Variants in NHS observed in about 807,000 individuals in gnomAD.
The protein encoded by NHS is NHS actin remodeling regulator.
NHS carries 5 observed loss-of-function variants against 72.5 expected under a neutral mutation model. The observed-to-expected ratio is 0.07, with a 90% CI of 0.04 to 0.14. The LOEUF (loss-of-function observed/expected upper bound fraction) is 0.14, where lower values mean the gene tolerates loss of function less well. Among genes scored for constraint, NHS ranks in the 10% least tolerant of loss-of-function variants. NHS has a pLI of 1.00. For synonymous variants in NHS, 464 were observed against 547.7 expected (o/e 0.85, Z 2.13); for missense variants, 1,072 against 1,355.7 (o/e 0.79, Z 3.29).
At chrX:17,439,227 G>A (rs1338604707) in intron 1 of NHS, among the ~76,000 whole-genome samples, 1 of 111,051 alleles carries the variant, frequency 9.0e-6, no homozygotes, top group Non-Finnish European at 1.9e-5. Context: ...GAATCCAAAA[G>A]GAAGAAGCAA....
In NHS at chrX:17,684,220, G is replaced by T. The variant is rs1170164250; in HGVS notation, c.566-3522G>T. On this transcript the variant is annotated intron_variant, in intron 1 of 8. Coordinates refer to ENST00000676302, the MANE Select transcript of NHS (RefSeq NM_001291867.2). ...TCCTTTATAAATTACCCAGTCATGG[G>T]TATGTCTTTATTAGCAGCATGAGAA... 5.3e-5 allele frequency among the ~76,000 whole-genome samples: 6 copies of T among 112,162 alleles called. No individual in the cohort carries two copies. The East Asian group carries it at 1.7e-3, about 31-fold the overall frequency.
chrX:17,598,060 T>C (rs975727309), intron 1 of NHS, among the ~76,000 whole-genome samples: 2 of 111,689 alleles, frequency 1.8e-5, no homozygotes, highest in Non-Finnish European at 3.8e-5. Flanking sequence ...AGGTTCTGAC[T>C]GGGAGCTAGA....
chrX:17,500,981 C>A (rs2065034272), intron 1 of NHS, among the ~76,000 whole-genome samples: 1 of 111,649 alleles, frequency 9.0e-6, no homozygotes, highest in Admixed American at 9.5e-5. Context: ...TAAGTGACAT[C>A]TATTATTAGA....
chrX:17,572,779 G>A (rs996521673), intron 1 of NHS, among the ~76,000 whole-genome samples: 4 of 111,299 alleles, frequency 3.6e-5, no homozygotes, highest in African/African-American at 1.3e-4. Context: ...AGCGTCAATG[G>A]TCTTTGCAAT....
At chrX:17,620,675 G>T in intron 1 of NHS, among the ~76,000 whole-genome samples, 1 of 111,840 alleles carries the variant, frequency 8.9e-6, no homozygotes, top group South Asian at 3.7e-4. Context: ...AAGGCCTCTG[G>T]GGAGGGAGTA....
chrX:17,712,627 C>T (rs1320452887), intron 3 of NHS, among the ~76,000 whole-genome samples: 1 of 109,166 alleles, frequency 9.2e-6, no homozygotes, highest in African/African-American at 3.3e-5. Context: ...TATCCCTCTC[C>T]ACAACCATTA....
At chrX:17,712,370 A>G (rs1487070884) in intron 3 of NHS, among the ~76,000 whole-genome samples, 1 of 85,243 alleles carries the variant, frequency 1.2e-5, no homozygotes, top group Non-Finnish European at 2.1e-5. Context: ...ATACACACAC[A>G]CACACACACA....
chrX:17,655,112 G>C (rs139889543), intron 1 of NHS, among the ~76,000 whole-genome samples: 114 of 112,043 alleles, frequency 1.0e-3, no homozygotes, highest in Non-Finnish European at 1.6e-3. Flanking sequence ...ACATTTTTCG[G>C]GTGCTCTAGT....
chrX:17,714,258 G>C (rs1437335952), intron 3 of NHS, among the ~76,000 whole-genome samples: 1 of 110,785 alleles, frequency 9.0e-6, no homozygotes, highest in Non-Finnish European at 1.9e-5. Flanking sequence ...ACCCATGAGG[G>C]AGAAATTATT....
At chrX:17,686,085 C>T (rs1012190442) in intron 1 of NHS, among the ~76,000 whole-genome samples, 1 of 111,991 alleles carries the variant, frequency 8.9e-6, no homozygotes, top group Admixed American at 9.4e-5. Context: ...TTCACTCCTA[C>T]AAGATCCCAA....
Position 17,526,395 on chromosome X carries a change from A to G in NHS, c.565+150073A>G, listed in dbSNP as rs377181921. ...GTGTCCTCTTATCGTCTAGCAGGCC[A>G]GCCTGGGCTTGTTCATATGGTGATC... is the stretch of plus-strand genomic sequence containing the variant. On this transcript the variant is annotated intron_variant, in intron 1 of 8. Coordinates refer to ENST00000676302, the MANE Select transcript of NHS (RefSeq NM_001291867.2). Among the ~76,000 whole-genome samples, 6 of 112,422 alleles carry G rather than the reference A, an allele frequency of 5.3e-5. No individual in the cohort carries two copies. In the East Asian group the frequency reaches 1.7e-3, roughly 32 times the overall value.
intron 3 of NHS, among the ~76,000 whole-genome samples, chrX:17,704,290 A>T: frequency 1.8e-5 from 2 of 109,042 alleles, no homozygotes; most frequent in Non-Finnish European, 3.8e-5. Context: ...AAAAAAATTT[A>T]AAAATTAAAA....
At chrX:17,412,945 T>G (rs372110860) in intron 1 of NHS, among the ~76,000 whole-genome samples, 1 of 112,883 alleles carries the variant, frequency 8.9e-6, no homozygotes, top group South Asian at 3.6e-4. Flanking sequence ...AGCATGGCTG[T>G]GTTCCAATGA....
At chrX:17,611,392 C>T (rs751325376) in intron 1 of NHS, among the ~76,000 whole-genome samples, 1 of 112,186 alleles carries the variant, frequency 8.9e-6, no homozygotes, top group Admixed American at 9.4e-5. Flanking sequence ...TGTGCCTGCA[C>T]ATATGGACCC....
chrX:17,409,176 T>C (rs2146857591), intron 1 of NHS, among the ~76,000 whole-genome samples: 1 of 112,429 alleles, frequency 8.9e-6, no homozygotes, highest in African/African-American at 3.2e-5. Flanking sequence ...CACAAGGTAC[T>C]TGTTGCCCAC....
chrX:17,728,974 T>C (rs1441441135), intron 8 of NHS, among the ~76,000 whole-genome samples, 199 bp downstream of exon 8: 4 of 112,482 alleles, frequency 3.6e-5, no homozygotes, highest in African/African-American at 9.7e-5. Flanking sequence ...GATCTTTATA[T>C]AGAGTTTGAT....
chrX:17,659,964 C>A lies in NHS; in HGVS notation c.566-27778C>A, dbSNP rs933351878. ...ACCCTGGACTATTTTACCATACTAC[C>A]TTTCTGATCTGGTAGACTCCTTCTC... On this transcript the variant is annotated intron_variant, in intron 1 of 8. Transcript: ENST00000676302. 2.1e-4 allele frequency among the ~76,000 whole-genome samples: 23 copies of A among 112,189 alleles called. No individual in the cohort carries two copies. The Middle Eastern group carries it at 0.014, about 68-fold the overall frequency.
In NHS at chrX:17,733,429, G is replaced by A. The variant is rs1202549010; in HGVS notation, c.*965G>A. On this transcript the variant is annotated 3_prime_UTR_variant, in exon 9 of 9. Coordinates refer to ENST00000676302, the MANE Select transcript of NHS (RefSeq NM_001291867.2). ...TTAAAGAGAATGAGTAGGGAAAATAGTAGTTAATTTTAGGTTATGTTTTAT... is the reference window on the plus strand; with the variant it reads ...TTAAAGAGAATGAGTAGGGAAAATAATAGTTAATTTTAGGTTATGTTTTAT... 8.9e-6 allele frequency: 1 copy of A among 112,063 alleles called. No homozygotes were observed. Among genetic ancestry groups the A allele is most frequent in the Non-Finnish European group, 1.9e-5 (1 of 53,154 alleles). The allele number at this position is 112,063 out of a possible 1,213,427, so 9.2% of individuals were successfully genotyped here. A position where few individuals can be genotyped will look rare whatever the true frequency, so the allele number is the denominator to read the frequency against.
intron 1 of NHS, among the ~76,000 whole-genome samples, chrX:17,525,453 A>G (rs1409883282): frequency 8.9e-6 from 1 of 112,062 alleles, no homozygotes; most frequent in Non-Finnish European, 1.9e-5. Context: ...GGAATGTTTC[A>G]AAATACTTGT....
Sources: allele counts gnomAD v4.1 joint callset (sites outside exome capture counted in the v4.1 genomes callset), GRCh38; gene constraint gnomAD v4.1.1; transcripts MANE v1.5; gene names NCBI Gene and HGNC (gene_info 2026-07-23, HGNC 2026-07-21).